The following UGGT2 variants were observed in gnomAD, a reference collection of about 807,000 sequenced individuals.
The protein encoded by UGGT2 is UDP-glucose glycoprotein glucosyltransferase 2.
Under a neutral mutation model 192.1 loss-of-function variants are expected in UGGT2, and 180 were observed. The ratio of observed to expected loss-of-function variants is 0.94; its 90% CI spans 0.83 to 1.06. The LOEUF (loss-of-function observed/expected upper bound fraction) is 1.06. Ranked by LOEUF, UGGT2 falls within the 50% of genes least tolerant of loss-of-function variation. UGGT2 has a pLI of 0.00. For missense variants in UGGT2, 1,849 were observed against 1,795.7 expected, an observed-to-expected ratio of 1.03 and a Z score of -0.54; for synonymous variants, 580 against 591.0, an observed-to-expected ratio of 0.98 and a Z score of 0.27.
intron 20 of UGGT2, among the ~76,000 whole-genome samples, chr13:95,905,617 C>T (rs1479279410): frequency 2.0e-5 from 3 of 151,788 alleles, no homozygotes; most frequent in South Asian, 2.1e-4. Flanking sequence ...AGATATGCGG[C>T]GTTATTTCTG....
At chr13:95,939,605 T>C (rs1417283023) in intron 16 of UGGT2, among the ~76,000 whole-genome samples, 2 of 152,072 alleles carry the variant, frequency 1.3e-5, no homozygotes, top group East Asian at 3.8e-4. Context: ...TAATATACAT[T>C]GTGGAATAGC....
chr13:95,834,291 TA>T (rs1479490381), intron 37 of UGGT2, among the ~76,000 whole-genome samples: 3 of 152,084 alleles, frequency 2.0e-5, no homozygotes, highest in African/African-American at 7.2e-5. Flanking sequence ...CTTAACTGGG[TA>T]ATCATGCCCC....
At chr13:95,827,881 C>T (rs996369351) in intron 38 of UGGT2, among the ~76,000 whole-genome samples, 1 of 152,126 alleles carries the variant, frequency 6.6e-6, no homozygotes, top group Non-Finnish European at 1.5e-5. Flanking sequence ...TGAGTTCCAG[C>T]AGAACAGCTG....
At chr13:96,024,117 A>G (rs1164545535) in intron 2 of UGGT2, among the ~76,000 whole-genome samples, 1 of 152,232 alleles carries the variant, frequency 6.6e-6, no homozygotes, top group Non-Finnish European at 1.5e-5. Flanking sequence ...GAAAAGTTAA[A>G]TAATATGATT....
intron 16 of UGGT2, among the ~76,000 whole-genome samples, chr13:95,938,279 G>A (rs1025438047): frequency 1.3e-5 from 2 of 152,168 alleles, no homozygotes; most frequent in Non-Finnish European, 2.9e-5. Context: ...AGTTAGAGAG[G>A]GGTGTAGGCA....
chr13:95,806,062 G>GA (rs1229994708), intron 38 of UGGT2, among the ~76,000 whole-genome samples: 40 of 125,502 alleles, frequency 3.2e-4, no homozygotes, highest in Admixed American at 4.8e-4. Flanking sequence ...ACACACAGTG[G>GA]AAAAAAAAAA....
At chr13:95,813,658 T>G (rs535322910) in intron 38 of UGGT2, among the ~76,000 whole-genome samples, 15 of 152,322 alleles carry the variant, frequency 9.8e-5, no homozygotes, top group African/African-American at 3.6e-4. Flanking sequence ...GAGCAACCAC[T>G]TGCTAGAGAT....
At chr13:95,916,287 C>A (rs1244470738) in intron 20 of UGGT2, among the ~76,000 whole-genome samples, 5 of 152,124 alleles carry the variant, frequency 3.3e-5, no homozygotes, top group African/African-American at 1.2e-4. Context: ...GGAGTGAACC[C>A]TCAGCAAACT....
chr13:95,979,754 G>A (rs955623642), intron 10 of UGGT2, among the ~76,000 whole-genome samples: 34 of 150,840 alleles, frequency 2.3e-4, no homozygotes, highest in Middle Eastern at 3.2e-3. Flanking sequence ...CTACACATCC[G>A]AAAAAGGACT....
intron 24 of UGGT2, 109 bp downstream of exon 24, chr13:95,894,453 A>G (rs2047889763): frequency 4.9e-6 from 4 of 810,216 alleles, no homozygotes; most frequent in Non-Finnish European, 7.8e-6. Flanking sequence ...TTTATTCCCT[A>G]ATAAATAACT....
chr13:95,886,715 T>C (rs868144068), intron 26 of UGGT2, among the ~76,000 whole-genome samples: 1 of 152,194 alleles, frequency 6.6e-6, no homozygotes, highest in Non-Finnish European at 1.5e-5. Flanking sequence ...TTCCATTTTA[T>C]TGCTTTCCAA....
chr13:95,858,890 AAAGC>A lies in UGGT2; in HGVS notation c.3825+697_3825+700del, dbSNP rs1889884676. The stretch of plus-strand genomic sequence containing the variant: ...TCATGCCTAGAAATATTAAGGAATA[AAAGC>A]ATGCTTGGCTAGTTTTACTTCTGTT... On this transcript the variant is annotated intron_variant, in intron 33 of 38. Coordinates refer to ENST00000376747, the MANE Select transcript of UGGT2 (RefSeq NM_020121.4). Among the ~76,000 whole-genome samples, 3 of 152,294 alleles carry A rather than the reference AAAGC, an allele frequency of 2.0e-5. No homozygotes were observed. The East Asian group carries it at 5.8e-4, about 29-fold the overall frequency.
intron 1 of UGGT2, among the ~76,000 whole-genome samples, chr13:96,047,837 A>G (rs2053363666): frequency 6.6e-6 from 1 of 152,204 alleles, no homozygotes; most frequent in South Asian, 2.1e-4. Flanking sequence ...TTCATAAAGC[A>G]AGTCCTTAGA....
At chr13:95,893,394 T>C (rs2047857386) in intron 24 of UGGT2, among the ~76,000 whole-genome samples, 1 of 152,200 alleles carries the variant, frequency 6.6e-6, no homozygotes. Flanking sequence ...AATAAATATT[T>C]TTATGTGATT....
At chr13:95,999,673 A>C (rs749098913) in intron 5 of UGGT2, among the ~76,000 whole-genome samples, 1 of 152,200 alleles carries the variant, frequency 6.6e-6, no homozygotes, top group African/African-American at 2.4e-5. Context: ...GGGACCCCCA[A>C]AAGATTTGCT....
intron 36 of UGGT2, among the ~76,000 whole-genome samples, chr13:95,846,978 G>A (rs541743496): frequency 2.0e-5 from 3 of 149,126 alleles, no homozygotes; most frequent in Non-Finnish European, 3.0e-5. Flanking sequence ...GAGGTTCATC[G>A]GTTTTGTTGA....
At chr13:95,836,739 A>G (rs1157474210) in intron 37 of UGGT2, among the ~76,000 whole-genome samples, 1 of 152,220 alleles carries the variant, frequency 6.6e-6, no homozygotes, top group Non-Finnish European at 1.5e-5. Flanking sequence ...GTGTGATATC[A>G]CAGAGAAAGG....
intron 38 of UGGT2, among the ~76,000 whole-genome samples, chr13:95,831,211 G>T (rs1886644440): frequency 6.6e-6 from 1 of 151,936 alleles, no homozygotes; most frequent in South Asian, 2.1e-4. Flanking sequence ...CACCAACATG[G>T]CACATGTATA....
chr13:95,939,882 T>C (rs1056344200), intron 16 of UGGT2, 75 bp downstream of exon 16: 3 of 1,220,346 alleles, frequency 2.5e-6, no homozygotes, highest in Middle Eastern at 2.5e-4. Flanking sequence ...TTAAAGATTC[T>C]ACATGAGTAG....
Sources: gnomAD v4.1 joint callset for allele counts (sites outside exome capture counted in the v4.1 genomes callset) on GRCh38, gnomAD v4.1.1 for gene constraint, MANE v1.5 for transcripts, NCBI Gene and HGNC (gene_info 2026-07-23, HGNC 2026-07-21) for gene names.